Variants in PDGFD observed in about 807,000 individuals in gnomAD.
The protein encoded by PDGFD is platelet-derived growth factor D.
A neutral mutation model predicts 44.7 loss-of-function variants in PDGFD; 30 were observed. The observed-to-expected ratio is 0.67, with a 90% confidence interval of 0.50 to 0.91. The LOEUF (loss-of-function observed/expected upper bound fraction) is 0.91. Among genes scored for constraint, PDGFD ranks in the 40% least tolerant of loss-of-function variants. The pLI, the probability that PDGFD is intolerant of heterozygous loss-of-function variation, is 0.00. For missense variants in PDGFD, 445 were observed against 457.8 expected, an observed-to-expected ratio of 0.97 and a Z score of 0.25; for synonymous variants, 173 against 168.4, an observed-to-expected ratio of 1.03 and a Z score of -0.21.
chr11:104,148,878 T>C (rs765498897), intron 1 of PDGFD, among the ~76,000 whole-genome samples: 1 of 152,180 alleles, frequency 6.6e-6, no homozygotes, highest in Non-Finnish European at 1.5e-5. Context: ...TTGCTAAGGA[T>C]AATGGCCTCC....
At chr11:104,005,221 G>T (rs1859682936) in intron 1 of PDGFD, among the ~76,000 whole-genome samples, 1 of 152,166 alleles carries the variant, frequency 6.6e-6, no homozygotes, top group Non-Finnish European at 1.5e-5. Context: ...GGAAGAGAGA[G>T]GTCTAGTATC....
intron 6 of PDGFD, among the ~76,000 whole-genome samples, chr11:103,911,500 A>G (rs1268466372): frequency 2.0e-5 from 3 of 152,200 alleles, no homozygotes; most frequent in African/African-American, 7.2e-5. Flanking sequence ...CCAAAGGTAA[A>G]TAAAACCAAA....
rs1259843656 is a variant in PDGFD at position 104,119,101 on chromosome 11, A to AT, written c.124+44702dup. The stretch of plus-strand genomic sequence containing the variant: ...AATATATAATATATTGATATAATAT[A>AT]TAATATATTAATATAATATATTGAT... On this transcript the variant is annotated intron_variant, in intron 1 of 6. Transcript: ENST00000393158. Among the ~76,000 whole-genome samples, 36 of 69,516 alleles carry AT rather than the reference A, an allele frequency of 5.2e-4. 12 individuals carry two copies. The highest frequency in any genetic ancestry group is 1.0e-3 in the Admixed American group (4 of 3,848). 45.6% of individuals were successfully genotyped at this position (69,516 alleles called of 152,430 possible).
chr11:103,936,671 T>C (rs1443969458), intron 5 of PDGFD, among the ~76,000 whole-genome samples: 1 of 152,206 alleles, frequency 6.6e-6, no homozygotes, highest in African/African-American at 2.4e-5. Flanking sequence ...TATTAGATCC[T>C]TGGAAATGGG....
chr11:104,012,095 C>T (rs1859794044), intron 1 of PDGFD, among the ~76,000 whole-genome samples: 1 of 152,046 alleles, frequency 6.6e-6, no homozygotes, highest in Admixed American at 6.6e-5. Flanking sequence ...AGCTACCTAT[C>T]AAAAGTTGGA....
intron 3 of PDGFD, among the ~76,000 whole-genome samples, chr11:103,949,311 C>G (rs1024579557): frequency 6.6e-6 from 1 of 152,088 alleles, no homozygotes; most frequent in Non-Finnish European, 1.5e-5. Flanking sequence ...CCTCGTTATT[C>G]TAATCTTAAT....
At chr11:104,051,813 T>C (rs1029682295) in intron 1 of PDGFD, among the ~76,000 whole-genome samples, 8 of 152,164 alleles carry the variant, frequency 5.3e-5, no homozygotes, top group African/African-American at 9.7e-5. Context: ...GTGCTTTTTT[T>C]GACTTAAAAA....
chr11:104,101,875 T>G (rs1861387890), intron 1 of PDGFD, among the ~76,000 whole-genome samples: 1 of 152,220 alleles, frequency 6.6e-6, no homozygotes, highest in African/African-American at 2.4e-5. Flanking sequence ...GCTAGCCATA[T>G]GTAGAAAGCT....
At chr11:104,048,796 A>G (rs905813034) in intron 1 of PDGFD, among the ~76,000 whole-genome samples, 6 of 152,240 alleles carry the variant, frequency 3.9e-5, no homozygotes, top group Non-Finnish European at 5.9e-5. Context: ...AATTAGAAAA[A>G]TAGTGGTACA....
intron 5 of PDGFD, among the ~76,000 whole-genome samples, chr11:103,931,699 G>T (rs544474020): frequency 8.5e-5 from 13 of 152,116 alleles, no homozygotes; most frequent in African/African-American, 3.1e-4. Flanking sequence ...CAATTCTCCC[G>T]CCTCAGCCTT....
intron 1 of PDGFD, among the ~76,000 whole-genome samples, chr11:104,120,011 T>C (rs1052456251): frequency 4.8e-5 from 7 of 144,676 alleles, no homozygotes; most frequent in Non-Finnish European, 9.0e-5. Context: ...ATATTAATAT[T>C]ATCTATTATA....
At chr11:104,149,432 T>C (rs1591187347) in intron 1 of PDGFD, among the ~76,000 whole-genome samples, 1 of 152,182 alleles carries the variant, frequency 6.6e-6, no homozygotes, top group Non-Finnish European at 1.5e-5. Context: ...AGAAAATGAA[T>C]AAAAACAAGT....
intron 1 of PDGFD, among the ~76,000 whole-genome samples, chr11:104,003,795 G>A (rs887791805): frequency 6.6e-5 from 10 of 152,150 alleles, no homozygotes; most frequent in Admixed American, 5.2e-4. Context: ...GGGAATCAGT[G>A]ATCCCTCTCA....
chr11:104,015,234 T>C (rs772041918), intron 1 of PDGFD, among the ~76,000 whole-genome samples: 6 of 152,252 alleles, frequency 3.9e-5, no homozygotes, highest in Non-Finnish European at 2.9e-5. Flanking sequence ...CAAATTTAGC[T>C]AGAGTTAGTA....
At chr11:103,996,274 T>A (rs751924805) in intron 2 of PDGFD, 29 bp from the exon 3 acceptor site, 3 of 1,565,084 alleles carry the variant, frequency 1.9e-6, no homozygotes, top group Non-Finnish European at 2.6e-6. Flanking sequence ...AATGAACAAG[T>A]TTTGATTAAA....
At position 103,927,171 on chromosome 11, in the gene PDGFD, C is replaced by T. The variant is rs190173398; in HGVS notation, c.773-45G>A. 54 of 1,523,126 alleles carry T rather than the reference C, an allele frequency of 3.5e-5. No individual in the cohort carries two copies. In the African/African-American group the frequency reaches 7.1e-4, roughly 20 times the overall value. The allele number at this position is 1,523,126 out of a possible 1,614,324, so 94.4% of individuals were successfully genotyped here. A position where few individuals can be genotyped will look rare whatever the true frequency, so the allele number is the denominator to read the frequency against. Reference sequence around the variant, plus strand: ...CTGTGTAAGCAAACACAACAGTAAGCACAATTGCTCAGCATGTGTTTTGGG... The same window carrying T: ...CTGTGTAAGCAAACACAACAGTAAGTACAATTGCTCAGCATGTGTTTTGGG... On this transcript the variant is annotated intron_variant, in intron 5 of 6. Transcript: ENST00000393158.
chr11:104,000,032 A>T lies in PDGFD; in HGVS notation c.329+19T>A, dbSNP rs1859596642. 1 of 1,598,876 alleles carries T rather than the reference A, an allele frequency of 6.3e-7. No homozygotes were observed. Among genetic ancestry groups the T allele is most frequent in the African/African-American group, 1.4e-5 (1 of 73,228 alleles). On this transcript the variant is annotated intron_variant, in intron 2 of 6. Coordinates refer to ENST00000393158, the MANE Select transcript of PDGFD (RefSeq NM_025208.5). ...TTTCACCTTGAAATAGTACCGTAAAAATTTTTTTCCCAACTTACCTACAGA... is the reference window on the plus strand; with the variant it reads ...TTTCACCTTGAAATAGTACCGTAAATATTTTTTTCCCAACTTACCTACAGA...
At chr11:104,084,535 T>C (rs1442546597) in intron 1 of PDGFD, among the ~76,000 whole-genome samples, 1 of 151,590 alleles carries the variant, frequency 6.6e-6, no homozygotes, top group Non-Finnish European at 1.5e-5. Context: ...GTGGTAGATT[T>C]ATGTGGGGCA....
chr11:104,150,639 A>G (rs1862229773), intron 1 of PDGFD, among the ~76,000 whole-genome samples: 2 of 152,172 alleles, frequency 1.3e-5, no homozygotes, highest in Admixed American at 6.6e-5. Context: ...TGGAGGCTCC[A>G]GGGAAAAGCC....
Sources: allele counts gnomAD v4.1 joint callset (sites outside exome capture counted in the v4.1 genomes callset), GRCh38; gene constraint gnomAD v4.1.1; transcripts MANE v1.5; gene names NCBI Gene and HGNC (gene_info 2026-07-23, HGNC 2026-07-21).